Variants in GPR158 observed in about 807,000 individuals in gnomAD.
GPR158 encodes G protein-coupled receptor 158.
In GPR158, 30 loss-of-function variants were observed where a neutral mutation model predicts 78.2. The ratio of observed to expected loss-of-function variants is 0.38; its 90% CI spans 0.29 to 0.52. The LOEUF is 0.52. GPR158 is among the 20% of genes least tolerant of loss of function. The pLI, the probability that GPR158 is intolerant of heterozygous loss-of-function variation, is 0.83. For synonymous variants in GPR158, 581 were observed against 591.1 expected (o/e 0.98, Z 0.25); for missense variants, 1,463 against 1,523.5 (o/e 0.96, Z 0.66).
chr10:25,218,729 T>C (rs1853253656), intron 1 of GPR158, among the ~76,000 whole-genome samples: 1 of 152,222 alleles, frequency 6.6e-6, no homozygotes, highest in African/African-American at 2.4e-5. Context: ...GCTCTAATTA[T>C]GCCTTGAACT....
At chr10:25,565,051 C>T (rs954702375) in intron 6 of GPR158, among the ~76,000 whole-genome samples, 2 of 152,186 alleles carry the variant, frequency 1.3e-5, no homozygotes, top group African/African-American at 2.4e-5. Context: ...CTAATGTTTA[C>T]TCTCACATCC....
In GPR158 at chr10:25,570,923, AAAAAT is replaced by A. The variant is rs774328020; in HGVS notation, c.1515-1719_1515-1715del. ...TGACAAAGTGAGACTCCATCTTAAA[AAAAAT>A]AAAATAGAGTAGTCTCCTTTTGTTT... On this transcript the variant is annotated intron_variant, in intron 6 of 10. Coordinates refer to ENST00000376351, the MANE Select transcript of GPR158 (RefSeq NM_020752.3). Among the ~76,000 whole-genome samples the A allele has an allele frequency of 2.0e-4, 30 of 152,270 alleles. No individual in the cohort carries two copies. In the East Asian group the frequency reaches 4.1e-3, roughly 21 times the overall value.
At chr10:25,208,181 T>G (rs1165828741) in intron 1 of GPR158, among the ~76,000 whole-genome samples, 2 of 152,230 alleles carry the variant, frequency 1.3e-5, no homozygotes, top group Non-Finnish European at 2.9e-5. Flanking sequence ...TTGGTAACCA[T>G]TGTTATTTCA....
chr10:25,516,962 A>G (rs1297960780), intron 5 of GPR158, among the ~76,000 whole-genome samples: 12 of 149,062 alleles, frequency 8.1e-5, no homozygotes, highest in Admixed American at 5.3e-4. Flanking sequence ...TACCTTGGGC[A>G]GTATGGCCAT....
chr10:25,486,648 G>A lies in GPR158; in HGVS notation c.1404+19929G>A, dbSNP rs1223728010. Among the ~76,000 whole-genome samples the A allele has an allele frequency of 2.6e-5, 4 of 152,034 alleles. No individual in the cohort carries two copies. The East Asian group carries it at 7.7e-4, about 29-fold the overall frequency. ...ATCCAGTCAGTCTAAGACAAAGTTG[G>A]AGAATTTGCATTCTTACAAAATTCC... On this transcript the variant is annotated intron_variant, in intron 5 of 10. Transcript: ENST00000376351.
intron 1 of GPR158, among the ~76,000 whole-genome samples, chr10:25,183,641 A>G (rs1852642928): frequency 1.3e-5 from 2 of 152,200 alleles, no homozygotes; most frequent in African/African-American, 4.8e-5. Context: ...AATCTTCCTC[A>G]TTTAATAAAT....
intron 2 of GPR158, among the ~76,000 whole-genome samples, chr10:25,279,542 AGAAGT>A (rs1452998501): frequency 2.6e-5 from 4 of 152,200 alleles, no homozygotes; most frequent in Non-Finnish European, 5.9e-5. Context: ...AGTGTATTAC[AGAAGT>A]GAGAAATAAA....
intron 4 of GPR158, among the ~76,000 whole-genome samples, chr10:25,431,871 A>T (rs925263044): frequency 2.6e-5 from 4 of 152,080 alleles, no homozygotes; most frequent in Non-Finnish European, 5.9e-5. Context: ...GGGTTGGGGG[A>T]GGGATAGCTT....
intron 5 of GPR158, among the ~76,000 whole-genome samples, chr10:25,483,231 C>T (rs1035933429): frequency 4.6e-5 from 7 of 151,932 alleles, no homozygotes; most frequent in Admixed American, 1.3e-4. Flanking sequence ...ACCTAGAGAC[C>T]GAAAAGACCT....
At chr10:25,468,290 A>G (rs1410614222) in intron 5 of GPR158, among the ~76,000 whole-genome samples, 1 of 151,790 alleles carries the variant, frequency 6.6e-6, no homozygotes, top group African/African-American at 2.4e-5. Flanking sequence ...GGGGCTCCCC[A>G]CTCCTGCTCA....
intron 2 of GPR158, among the ~76,000 whole-genome samples, chr10:25,339,611 C>T (rs1855274403): frequency 6.6e-6 from 1 of 151,984 alleles, no homozygotes; most frequent in African/African-American, 2.4e-5. Context: ...TTAAATATTT[C>T]AACATTGATT....
chr10:25,397,435 G>A (rs1374541011), intron 3 of GPR158, among the ~76,000 whole-genome samples: 1 of 152,154 alleles, frequency 6.6e-6, no homozygotes, highest in Non-Finnish European at 1.5e-5. Context: ...CTTTTAAATA[G>A]TTACCCATAA....
chr10:25,548,289 A>G (rs1299685511), intron 5 of GPR158, among the ~76,000 whole-genome samples: 1 of 152,190 alleles, frequency 6.6e-6, no homozygotes, highest in Non-Finnish European at 1.5e-5. Context: ...CAGTAGAAGA[A>G]GCATATAGTC....
intron 5 of GPR158, among the ~76,000 whole-genome samples, chr10:25,492,614 T>G (rs1835825412): frequency 6.6e-6 from 1 of 152,130 alleles, no homozygotes; most frequent in Non-Finnish European, 1.5e-5. Context: ...CATTACAGAA[T>G]TTTTGACTGT....
intron 4 of GPR158, among the ~76,000 whole-genome samples, chr10:25,416,074 A>T (rs1398910895): frequency 1.3e-5 from 2 of 152,170 alleles, no homozygotes; most frequent in Non-Finnish European, 2.9e-5. Flanking sequence ...ACCTTCTGGG[A>T]TTATTTAAAA....
chr10:25,566,672 G>A (rs1836933250), intron 6 of GPR158, among the ~76,000 whole-genome samples: 1 of 152,162 alleles, frequency 6.6e-6, no homozygotes, highest in South Asian at 2.1e-4. Context: ...TCTTGAAATA[G>A]CAATAACTTA....
chr10:25,501,175 G>A (rs563536788), intron 5 of GPR158, among the ~76,000 whole-genome samples: 7 of 152,236 alleles, frequency 4.6e-5, no homozygotes, highest in Admixed American at 1.3e-4. Context: ...AGTCAAAGGC[G>A]GCTTTGAGAA....
intron 2 of GPR158, among the ~76,000 whole-genome samples, chr10:25,386,467 A>G (rs1418186937): frequency 6.6e-6 from 1 of 152,176 alleles, no homozygotes; most frequent in Non-Finnish European, 1.5e-5. Flanking sequence ...ATTTCTGCAA[A>G]AAATGTCATT....
rs1236233365 is a variant in GPR158, at chr10:25,175,609, C to T, written c.189C>T (p.Arg63=). 2 of 1,610,914 alleles carry T rather than the reference C, an allele frequency of 1.2e-6. No homozygotes were observed. The highest frequency in any genetic ancestry group is 1.7e-6 in the Non-Finnish European group (2 of 1,179,816). The change falls in exon 1 of 11, where the codon CGC becomes CGT. Residue 63 remains arginine (R), a synonymous_variant. Transcript: ENST00000376351. The surrounding 1 kb of genome is among the most constrained non-coding windows in gnomAD (Gnocchi z 6.4). ...SASDSSAPWS[R]STDGTILAQK... is the part of the protein sequence containing the mutation. ...CGGACTCCTCGGCTCCCTGGAGCCG[C>T]TCCACCGATGGCACCATCTTGGCGC...
Sources: allele counts gnomAD v4.1 joint callset (sites outside exome capture counted in the v4.1 genomes callset), GRCh38; gene constraint gnomAD v4.1.1; non-coding constraint Gnocchi (gnomAD v3.1); transcripts MANE v1.5; gene names NCBI Gene and HGNC (gene_info 2026-07-23, HGNC 2026-07-21).